XKR6: variants seen among roughly 807,000 people sequenced by gnomAD.
XKR6 encodes the protein XK-related protein 6.
Under a neutral mutation model 56.7 loss-of-function variants are expected in XKR6, and 22 were observed. That is an observed-to-expected ratio of 0.39 (90% CI 0.28 to 0.55). The LOEUF (loss-of-function observed/expected upper bound fraction) is 0.55. XKR6 is among the 20% of genes least tolerant of loss of function. XKR6 has a pLI of 0.66. For missense variants in XKR6, 852 were observed against 889.0 expected (o/e 0.96, Z 0.53); for synonymous variants, 524 against 387.8 (o/e 1.35, Z -4.13).
chr8:11,094,103 G>T (rs1418777693), intron 1 of XKR6, among the ~76,000 whole-genome samples: 1 of 147,250 alleles, frequency 6.8e-6, no homozygotes, highest in Non-Finnish European at 1.5e-5. Flanking sequence ...TTTTGACAGA[G>T]TCTTGCTGTG....
chr8:11,161,191 AT>A (rs1801787324), intron 1 of XKR6, among the ~76,000 whole-genome samples: 1 of 152,210 alleles, frequency 6.6e-6, no homozygotes, highest in Non-Finnish European at 1.5e-5. Flanking sequence ...ATAGGATGGA[AT>A]TCAAGGAACC....
chr8:11,004,404 G>A (rs868646347), intron 1 of XKR6, among the ~76,000 whole-genome samples: 3 of 152,112 alleles, frequency 2.0e-5, no homozygotes, highest in Non-Finnish European at 4.4e-5. Context: ...CCCAGGAGGC[G>A]GAGGTTGCAG....
At chr8:10,961,154 CAGA>C (rs1184883665) in intron 1 of XKR6, among the ~76,000 whole-genome samples, 6 of 152,114 alleles carry the variant, frequency 3.9e-5, no homozygotes, top group Non-Finnish European at 8.8e-5. Context: ...TGAATCCCAG[CAGA>C]AGAAGTTGCA....
At chr8:11,139,721 C>A (rs1156756945) in intron 1 of XKR6, among the ~76,000 whole-genome samples, 1 of 152,168 alleles carries the variant, frequency 6.6e-6, no homozygotes, top group African/African-American at 2.4e-5. Context: ...TGTACAAAAG[C>A]CACAGCCGAA....
In XKR6 at chr8:10,898,557, G is replaced by A. The variant is rs140918359; in HGVS notation, c.1321C>T (p.Arg441Ter). ...ACTATCGTATAATATGCAAACATTC[G>A]ATATCGAGTCCGCCCTTCCTTGACG... ...FNVKEGRTRY[R>*]MFAYYTIVLT... The change falls in exon 3 of 3, where the codon CGA becomes TGA. Residue 441 changes from arginine (R) to a stop codon, truncating the protein, a stop_gained. Transcript: ENST00000416569. LOFTEE classifies it high-confidence loss of function. This position sits in a 1 kb window ranked among gnomAD's most constrained non-coding sequence, Gnocchi z 6.6. 6.2e-7 allele frequency: 1 copy of A among 1,614,090 alleles called. No homozygotes were observed. Among genetic ancestry groups the A allele is most frequent in the Non-Finnish European group, 8.5e-7 (1 of 1,180,012 alleles).
In XKR6 at chr8:11,192,304, G is replaced by A. The variant is rs540374471; in HGVS notation, c.764+8272C>T. On this transcript the variant is annotated intron_variant, in intron 1 of 2. Coordinates refer to ENST00000416569, the MANE Select transcript of XKR6 (RefSeq NM_173683.4). ...CTCCTGAGTAGCTGGGACTACAGGC[G>A]CGTGCCACCACGCCCGGCTAATTTT... is the stretch of plus-strand genomic sequence containing the variant. Among the ~76,000 whole-genome samples, 511 of 152,108 alleles carry A rather than the reference G, an allele frequency of 3.4e-3. 5 individuals are homozygous for A. The highest frequency in any genetic ancestry group is 5.8e-3 in the Non-Finnish European group (396 of 67,976).
At chr8:10,924,106 C>G (rs747948244) in intron 2 of XKR6, among the ~76,000 whole-genome samples, 1 of 152,248 alleles carries the variant, frequency 6.6e-6, no homozygotes, top group Non-Finnish European at 1.5e-5. Flanking sequence ...CCTCCTCCTC[C>G]TGGGCCCTCT....
intron 1 of XKR6, among the ~76,000 whole-genome samples, chr8:10,949,286 G>A (rs932218908): frequency 3.3e-5 from 5 of 152,248 alleles, no homozygotes; most frequent in South Asian, 4.1e-4. Context: ...GGCCAGCTTA[G>A]TGGACTCTCC....
At chr8:11,002,481 C>A in intron 1 of XKR6, 1 of 399,126 alleles carries the variant, frequency 2.5e-6, no homozygotes, top group South Asian at 2.0e-5. Flanking sequence ...GAGAAAAAGA[C>A]TCAAGAATCA....
intron 1 of XKR6, among the ~76,000 whole-genome samples, chr8:10,960,919 A>T (rs1053973668): frequency 6.6e-6 from 1 of 152,152 alleles, no homozygotes; most frequent in Non-Finnish European, 1.5e-5. Context: ...AAACAATAAG[A>T]GCCATGAATG....
At chr8:11,088,713 T>A (rs1797973127) in intron 1 of XKR6, among the ~76,000 whole-genome samples, 1 of 152,218 alleles carries the variant, frequency 6.6e-6, no homozygotes, top group South Asian at 2.1e-4. Context: ...GTTCTAGACA[T>A]ACAATCTGAG....
chr8:11,190,207 A>G (rs1289287152), intron 1 of XKR6, among the ~76,000 whole-genome samples: 4 of 135,450 alleles, frequency 3.0e-5, no homozygotes, highest in African/African-American at 9.6e-5. Flanking sequence ...AAGAAAGAAA[A>G]GAAAGAAAGA....
intron 1 of XKR6, among the ~76,000 whole-genome samples, chr8:10,986,024 T>C (rs530037483): frequency 3.3e-4 from 51 of 152,254 alleles, no homozygotes; most frequent in African/African-American, 1.2e-3. Flanking sequence ...TACTAATAGA[T>C]GATAAAAATA....
intron 1 of XKR6, among the ~76,000 whole-genome samples, chr8:11,008,418 CTT>C (rs35571220): frequency 0.011 from 1,123 of 104,108 alleles, 10 homozygotes; most frequent in African/African-American, 0.041. Flanking sequence ...GCTCCCCAGG[CTT>C]TTTTTTTTTT....
intron 1 of XKR6, among the ~76,000 whole-genome samples, chr8:10,976,889 G>T (rs1260671009): frequency 2.6e-5 from 4 of 152,138 alleles, no homozygotes; most frequent in African/African-American, 9.7e-5. Context: ...CCAGTGGGCT[G>T]GGGGGCTACA....
At chr8:11,160,997 T>C (rs1036982012) in intron 1 of XKR6, among the ~76,000 whole-genome samples, 1 of 151,818 alleles carries the variant, frequency 6.6e-6, no homozygotes, top group Non-Finnish European at 1.5e-5. Context: ...GTGTGGCTCC[T>C]GTACTGGTTG....
intron 1 of XKR6, among the ~76,000 whole-genome samples, chr8:11,060,072 G>C (rs980307197): frequency 2.0e-5 from 3 of 152,130 alleles, no homozygotes; most frequent in Admixed American, 6.5e-5. Context: ...TCTGATGTAA[G>C]TGCACTTCTG....
chr8:11,192,871 C>A (rs903056729), intron 1 of XKR6, among the ~76,000 whole-genome samples: 1 of 152,186 alleles, frequency 6.6e-6, no homozygotes, highest in Non-Finnish European at 1.5e-5. Flanking sequence ...AAGTCAGGCA[C>A]CTGCCCTCTG....
intron 1 of XKR6, among the ~76,000 whole-genome samples, chr8:11,013,150 ATT>A (rs1461103067): frequency 6.6e-6 from 1 of 152,218 alleles, no homozygotes; most frequent in Non-Finnish European, 1.5e-5. Context: ...ACCATGAGGC[ATT>A]TAATCCTCAT....
Sources: allele counts gnomAD v4.1 joint callset (sites outside exome capture counted in the v4.1 genomes callset), GRCh38; gene constraint gnomAD v4.1.1; non-coding constraint Gnocchi (gnomAD v3.1); transcripts MANE v1.5; gene names NCBI Gene and HGNC (gene_info 2026-07-23, HGNC 2026-07-21).